SPINDOC: variants seen among roughly 807,000 people sequenced by gnomAD.
The protein encoded by SPINDOC is spindlin interactor and repressor of chromatin-binding protein.
A neutral mutation model predicts 30.7 loss-of-function variants in SPINDOC; 13 were observed. That is an observed-to-expected ratio of 0.42 (90% CI 0.28 to 0.67). SPINDOC has a LOEUF of 0.67. SPINDOC is among the 30% of genes least tolerant of loss of function. The pLI is 0.22. For missense variants in SPINDOC, 438 were observed against 518.0 expected (o/e 0.85, Z 1.50); for synonymous variants, 228 against 211.4 (o/e 1.08, Z -0.68).
chr11:63,819,277 C>T (rs1208244268), intron 5 of SPINDOC, among the ~76,000 whole-genome samples: 1 of 152,236 alleles, frequency 6.6e-6, no homozygotes, highest in African/African-American at 2.4e-5. Context: ...GTAGCACAAG[C>T]CCGGCTCACT....
intron 5 of SPINDOC, among the ~76,000 whole-genome samples, chr11:63,823,746 C>T (rs2015588124): frequency 6.6e-6 from 1 of 151,680 alleles, no homozygotes; most frequent in South Asian, 2.1e-4. Flanking sequence ...CTACAGGCGC[C>T]CACCACCACA....
chr11:63,824,915 C>T (rs1395112419), intron 5 of SPINDOC, among the ~76,000 whole-genome samples: 1 of 152,154 alleles, frequency 6.6e-6, no homozygotes, highest in African/African-American at 2.4e-5. Context: ...CACAGTCATC[C>T]TCTTCTTTCT....
Position 63,813,914 on chromosome 11 carries a change from C to A in SPINDOC, c.127+101C>A. The A allele has an allele frequency of 4.4e-6, 6 of 1,361,456 alleles. No individual in the cohort carries two copies. In the South Asian group the frequency reaches 9.8e-5, roughly 22 times the overall value. The allele number at this position is 1,361,456 out of a possible 1,614,324, so 84.3% of individuals were successfully genotyped here. A position where few individuals can be genotyped will look rare whatever the true frequency, so the allele number is the denominator to read the frequency against. On this transcript the variant is annotated intron_variant, in intron 1 of 5. Transcript: ENST00000294244. ...CCGGGACCCGGGCACCTTCTCACCC[C>A]CTTCAGCCTTGGGGCCCAGGTTTCC...
At chr11:63,816,800 G>A (rs1196845675) in intron 1 of SPINDOC, among the ~76,000 whole-genome samples, 1 of 152,226 alleles carries the variant, frequency 6.6e-6, no homozygotes, top group East Asian at 1.9e-4. Context: ...CAGGTATCAG[G>A]CAGCAATAGG....
intron 1 of SPINDOC, among the ~76,000 whole-genome samples, chr11:63,814,213 A>T (rs1220833372): frequency 3.9e-5 from 6 of 152,168 alleles, no homozygotes; most frequent in Admixed American, 3.9e-4. Flanking sequence ...GCTGTGTTCT[A>T]GTCCGAGGGG....
chr11:63,824,915 C>G (rs1395112419), intron 5 of SPINDOC, among the ~76,000 whole-genome samples: 1 of 152,154 alleles, frequency 6.6e-6, no homozygotes, highest in African/African-American at 2.4e-5. Flanking sequence ...CACAGTCATC[C>G]TCTTCTTTCT....
chr11:63,822,104 A>T (rs2015537364), intron 5 of SPINDOC, among the ~76,000 whole-genome samples: 1 of 152,146 alleles, frequency 6.6e-6, no homozygotes, highest in Non-Finnish European at 1.5e-5. Flanking sequence ...GCACTTTAGG[A>T]TGCCAAAGTG....
In SPINDOC at chr11:63,827,292, G is replaced by A. The variant is rs937620612; in HGVS notation, c.*153G>A. ...GGGCAGCATCCACTGTTATTTCGGG[G>A]CACTGGAAAGTGTCTGTTCCTGGCC... On this transcript the variant is annotated 3_prime_UTR_variant, in exon 6 of 6. Coordinates refer to ENST00000294244, the MANE Select transcript of SPINDOC (RefSeq NM_138471.3). 1.5e-6 allele frequency: 2 copies of A among 1,368,932 alleles called. No individual in the cohort carries two copies. Among genetic ancestry groups the A allele is most frequent in the African/African-American group, 1.4e-5 (1 of 69,362 alleles). 84.8% of individuals were successfully genotyped at this position (1,368,932 alleles called of 1,614,324 possible).
rs58280473 is a variant in SPINDOC, at chr11:63,823,284, A to G, written c.935-3644A>G. The G allele has an allele frequency of 2.8e-3, 3,556 of 1,265,060 alleles. 81 individuals are homozygous for G. The African/African-American group carries it at 0.045, about 16-fold the overall frequency. 78.4% of individuals were successfully genotyped at this position (1,265,060 alleles called of 1,614,324 possible). A position where few individuals can be genotyped will look rare whatever the true frequency, so the allele number is the denominator to read the frequency against. ...TCAGAAACCTGTGAGGCTTCGACCA[A>G]AATGTCTCTACTTTCTGTGTTGTTA... On this transcript the variant is annotated intron_variant, in intron 5 of 5. Transcript: ENST00000294244.
At chr11:63,816,342 T>G (rs1349985603) in intron 1 of SPINDOC, among the ~76,000 whole-genome samples, 1 of 152,094 alleles carries the variant, frequency 6.6e-6, no homozygotes, top group African/African-American at 2.4e-5. Context: ...AAAATCAAGA[T>G]GGAAGAGGTG....
At position 63,813,593 on chromosome 11, in the gene SPINDOC, G is replaced by T. The variant is rs533570683; in HGVS notation, c.-94G>T. ...GCGCGGGGCGGGCGGCGGGCCCGGC[G>T]CTATTCCGGCCAGGAGGCGGGAGGC... is the stretch of plus-strand genomic sequence containing the variant. On this transcript the variant is annotated 5_prime_UTR_variant, in exon 1 of 6. Transcript: ENST00000294244. 1,123 of 1,204,856 alleles carry T rather than the reference G, an allele frequency of 9.3e-4. 9 individuals are homozygous for T. In the African/African-American group the frequency reaches 0.016, roughly 18 times the overall value. 74.6% of individuals were successfully genotyped at this position (1,204,856 alleles called of 1,614,324 possible). A position where few individuals can be genotyped will look rare whatever the true frequency, so the allele number is the denominator to read the frequency against.
At chr11:63,823,072 G>C in intron 5 of SPINDOC, 1 of 1,201,226 alleles carries the variant, frequency 8.3e-7, no homozygotes, top group South Asian at 1.3e-5. Context: ...CTGTGCCCGA[G>C]GGAGGCACCC....
chr11:63,818,910 A>T lies in SPINDOC; in HGVS notation c.842A>T (p.His281Leu). The change falls in exon 5 of 6, where the codon CAC (histidine) becomes CTC (leucine). Residue 281 changes from histidine (H) to leucine (L), a missense_variant. Coordinates refer to ENST00000294244, the MANE Select transcript of SPINDOC (RefSeq NM_138471.3). This position sits in a 1 kb window ranked among gnomAD's most constrained non-coding sequence, Gnocchi z 5.3. ...GGCTTCGTCTTGCAGCTCTTCTCCC[A>T]CACCCAGCTCAGGGGCCCAGACAGC... Reference protein sequence around the residue: ...PAGFVLQLFSHTQLRGPDSKD... With the variant: ...PAGFVLQLFSLTQLRGPDSKD... The T allele has an allele frequency of 6.2e-7, 1 of 1,614,082 alleles. No homozygotes were observed. The highest frequency in any genetic ancestry group is 8.5e-7 in the Non-Finnish European group (1 of 1,180,024).
chr11:63,823,172 G>T (rs1287552405), intron 5 of SPINDOC: 3 of 1,289,068 alleles, frequency 2.3e-6, no homozygotes, highest in East Asian at 1.1e-4. Context: ...TAAAAACCAG[G>T]GGCCCCCGTG....
At chr11:63,821,850 G>C (rs1590935243) in intron 5 of SPINDOC, among the ~76,000 whole-genome samples, 1 of 152,260 alleles carries the variant, frequency 6.6e-6, no homozygotes, top group South Asian at 2.1e-4. Context: ...CCAGGCTCAA[G>C]CAGTCCTCCT....
At chr11:63,815,011 A>G (rs964666389) in intron 1 of SPINDOC, among the ~76,000 whole-genome samples, 1 of 149,538 alleles carries the variant, frequency 6.7e-6, no homozygotes, top group Non-Finnish European at 1.5e-5. Flanking sequence ...AGTAGTAGTA[A>G]ACAGAGCAAC....
intron 5 of SPINDOC, chr11:63,823,465 G>A: frequency 3.7e-6 from 2 of 539,008 alleles, no homozygotes; most frequent in South Asian, 4.8e-5. Context: ...GGTAGTCCAG[G>A]AAGACTCTAG....
Position 63,826,936 on chromosome 11 carries a change from C to G in SPINDOC, c.943C>G (p.Pro315Ala). 1.3e-6 allele frequency: 2 copies of G among 1,538,684 alleles called. No individual in the cohort carries two copies. The highest frequency in any genetic ancestry group is 1.9e-4 in the Middle Eastern group (1 of 5,368). The change falls in exon 6 of 6, where the codon CCG (proline) becomes GCG (alanine). Residue 315 changes from proline (P) to alanine (A), a missense_variant. By Grantham distance (27) the Pro-to-Ala change is conservative (BLOSUM62 -1). This residue lies in a region of SPINDOC where 300 missense variants were observed against 332.8 expected (regional missense o/e 0.90). Transcript: ENST00000294244. ...RAESPSPAPP[P>A]GLRGTLDLQV... The stretch of plus-strand genomic sequence containing the variant: ...CTCTCATCCCTGCCCAGCTCCCCCT[C>G]CGGGGCTCCGCGGGACACTGGATCT...
intron 5 of SPINDOC, among the ~76,000 whole-genome samples, chr11:63,823,974 C>A (rs1400800551): frequency 6.7e-6 from 1 of 150,362 alleles, no homozygotes; most frequent in East Asian, 2.0e-4. Context: ...GTGGTGCAAT[C>A]TTGGCTCACT....
Sources: allele counts gnomAD v4.1 joint callset (sites outside exome capture counted in the v4.1 genomes callset), GRCh38; gene constraint gnomAD v4.1.1; regional missense constraint gnomAD v4.1.1; non-coding constraint Gnocchi (gnomAD v3.1); transcripts MANE v1.5; gene names NCBI Gene and HGNC (gene_info 2026-07-23, HGNC 2026-07-21).